Variants in SLC25A3 observed in about 807,000 individuals in gnomAD.
SLC25A3 encodes phosphate transport protein.
In SLC25A3, 14 loss-of-function variants were observed where a neutral mutation model predicts 37.1. That is an observed-to-expected ratio of 0.38 (90% confidence interval 0.25 to 0.59). The LOEUF is 0.59. Ranked by LOEUF, SLC25A3 falls within the 20% of genes least tolerant of loss-of-function variation. The pLI, the probability that SLC25A3 is intolerant of heterozygous loss-of-function variation, is 0.67. For synonymous variants in SLC25A3, 161 were observed against 168.7 expected, an observed-to-expected ratio of 0.95 and a Z score of 0.36; for missense variants, 385 against 458.1, an observed-to-expected ratio of 0.84 and a Z score of 1.46.
intron 2 of SLC25A3, chr12:98,594,931 G>A (rs923209892): frequency 5.5e-6 from 1 of 181,948 alleles, no homozygotes; most frequent in South Asian, 1.0e-4. Flanking sequence ...ACTATCTGTC[G>A]TTCAGTTTAA....
At chr12:98,598,943 T>G (rs1231408657) in intron 5 of SLC25A3, among the ~76,000 whole-genome samples, 1 of 151,870 alleles carries the variant, frequency 6.6e-6, no homozygotes, top group African/African-American at 2.4e-5. Flanking sequence ...GCCCAGCTAA[T>G]TTTTTGTATT....
intron 3 of SLC25A3, among the ~76,000 whole-genome samples, chr12:98,596,380 A>G (rs2097592954): frequency 6.6e-6 from 1 of 152,320 alleles, no homozygotes; most frequent in Admixed American, 6.5e-5. Flanking sequence ...TCGAAAATTT[A>G]TTTGTTCCAA....
At position 98,602,364 on chromosome 12, in the gene SLC25A3, G is replaced by A. The variant is rs921804660; in HGVS notation, c.*836G>A. The A allele has an allele frequency of 6.6e-5, 10 of 152,226 alleles. No individual in the cohort carries two copies. The highest frequency in any genetic ancestry group is 2.4e-4 in the African/African-American group (10 of 41,440). 9.4% of individuals were successfully genotyped at this position (152,226 alleles called of 1,614,324 possible). ...TTTTTAGTAGAGACGGGGTTTCCCT[G>A]TGTTGGTCAGGCTGGTCTCGAACTT... On this transcript the variant is annotated 3_prime_UTR_variant, in exon 8 of 8. Coordinates refer to ENST00000552981, the MANE Select transcript of SLC25A3 (RefSeq NM_002635.4).
chr12:98,595,289 A>T, intron 2 of SLC25A3: 1 of 791,294 alleles, frequency 1.3e-6, no homozygotes, highest in South Asian at 1.6e-5. Flanking sequence ...TTGGCAGTGA[A>T]TTTTTTTTTA....
chr12:98,600,033 T>C lies in SLC25A3; in HGVS notation c.720T>C (p.Thr240=), dbSNP rs2097596449. ...TMMKFACFER[T]VEALYKFVVP... is the part of the protein sequence containing the mutation. ...TGAAGTTCGCCTGCTTTGAACGTAC[T>C]GTTGAAGCACTGTACAAGTTTGTGG... Residue 240 remains threonine, a synonymous_variant, in exon 6 of 8, where the codon ACT becomes ACC. Coordinates refer to ENST00000552981, the MANE Select transcript of SLC25A3 (RefSeq NM_002635.4). The C allele has an allele frequency of 6.2e-7, 1 of 1,613,898 alleles. No homozygotes were observed. The highest frequency in any genetic ancestry group is 1.7e-5 in the Admixed American group (1 of 60,026).
Position 98,601,587 on chromosome 12 carries a change from A to G in SLC25A3, c.*59A>G, listed in dbSNP as rs2097597963. On this transcript the variant is annotated 3_prime_UTR_variant, in exon 8 of 8. Coordinates refer to ENST00000552981, the MANE Select transcript of SLC25A3 (RefSeq NM_002635.4). The stretch of plus-strand genomic sequence containing the variant: ...GTTGATCAGTGTTGAAGAAAGTGCA[A>G]AAGGAACTTTTATATATTTGACAGT... 6.2e-6 allele frequency: 7 copies of G among 1,132,404 alleles called. No individual in the cohort carries two copies. The highest frequency in any genetic ancestry group is 2.3e-5 in the East Asian group (1 of 42,628). The allele number at this position is 1,132,404 out of a possible 1,614,324, so 70.1% of individuals were successfully genotyped here.
At chr12:98,593,793 G>C in intron 1 of SLC25A3, 53 bp downstream of exon 1, 1 of 648,682 alleles carries the variant, frequency 1.5e-6, no homozygotes, top group African/African-American at 1.8e-5. Context: ...GGAGCCCAGA[G>C]CTCCTGTGGG....
At chr12:98,600,214 C>G (rs994484546) in intron 6 of SLC25A3, 87 bp downstream of exon 6, 2 of 951,106 alleles carry the variant, frequency 2.1e-6, no homozygotes, top group Non-Finnish European at 1.7e-6. Flanking sequence ...GAAAAATACT[C>G]CAAAGGTTAT....
At chr12:98,597,691 T>C in intron 3 of SLC25A3, 165 bp from the exon 4 acceptor site, 1 of 928,476 alleles carries the variant, frequency 1.1e-6, no homozygotes, top group East Asian at 2.8e-5. Flanking sequence ...CCCAAAGTGC[T>C]GGGATTACAG....
At chr12:98,599,650 A>T (rs372762579) in intron 5 of SLC25A3, 15 of 571,960 alleles carry the variant, frequency 2.6e-5, no homozygotes, top group Non-Finnish European at 4.7e-5. Flanking sequence ...GCTTCCTTAG[A>T]TCCACCTTTG....
rs1302964992 is a variant in SLC25A3, at chr12:98,604,263, A to AAAAAAAAATATATAT, written c.*2736_*2737insAAAAAAATATATATA. On this transcript the variant is annotated 3_prime_UTR_variant, in exon 8 of 8. Transcript: ENST00000552981. ...GCGAAACTCTGTCTCAAAAAAAAAA[A>AAAAAAAAATATATAT]ATATATATATATATATATATATATG... 6.2e-4 allele frequency: 83 copies of AAAAAAAAATATATAT among 134,552 alleles called. No individual in the cohort carries two copies. Among genetic ancestry groups the AAAAAAAAATATATAT allele is most frequent in the African/African-American group, 2.2e-3 (76 of 34,866 alleles). The allele number at this position is 134,552 out of a possible 1,614,324, so 8.3% of individuals were successfully genotyped here.
chr12:98,597,976 C>A lies in SLC25A3; in HGVS notation c.400C>A (p.Leu134Ile), dbSNP rs975251517. 13 of 1,613,766 alleles carry A rather than the reference C, an allele frequency of 8.1e-6. No homozygotes were observed. Among genetic ancestry groups the A allele is most frequent in the Non-Finnish European group, 1.0e-5 (12 of 1,179,788 alleles). ...PTFLGYSMQG[L>I]CKFGFYEVFK... ...TTTCCTTGGCTACTCCATGCAGGGA[C>A]TCTGCAAGTTTGGCTTTTATGAAGT... The change falls in exon 4 of 8, where the codon CTC becomes ATC. Residue 134 changes from leucine to isoleucine, a missense_variant. Transcript: ENST00000552981.
chr12:98,595,555 C>G, intron 2 of SLC25A3, 172 bp from the exon 3 acceptor site: 2 of 1,614,090 alleles, frequency 1.2e-6, no homozygotes, highest in South Asian at 2.2e-5. Flanking sequence ...ATGCAGAATG[C>G]AGGTTTGTTT....
At chr12:98,599,841 C>A in intron 5 of SLC25A3, 114 bp from the exon 6 acceptor site, 1 of 1,052,552 alleles carries the variant, frequency 9.5e-7, no homozygotes, top group Non-Finnish European at 1.5e-6. Context: ...TGCATTTATG[C>A]TGCCATTTGT....
chr12:98,599,689 G>A (rs972782374), intron 5 of SLC25A3: 2 of 627,264 alleles, frequency 3.2e-6, no homozygotes, highest in African/African-American at 1.8e-5. Flanking sequence ...AGTTCCACTT[G>A]TAAACTTCTT....
intron 3 of SLC25A3, among the ~76,000 whole-genome samples, chr12:98,596,293 C>G (rs2097592904): frequency 6.6e-6 from 1 of 152,106 alleles, no homozygotes; most frequent in African/African-American, 2.4e-5. Context: ...GTCAGATTAG[C>G]CTCTTGTTTA....
rs2097600190 is a variant in SLC25A3, at chr12:98,604,519, AAC to A, written c.*2993_*2994del. On this transcript the variant is annotated 3_prime_UTR_variant, in exon 8 of 8. Transcript: ENST00000552981. The stretch of plus-strand genomic sequence containing the variant: ...GACTTTTTTTTTTTTTTCCCTAGAG[AAC>A]AGGGTTCTTGCTTTGTCGCCCAGGC... 1 of 151,140 alleles carries A rather than the reference AAC, an allele frequency of 6.6e-6. No individual in the cohort carries two copies. The highest frequency in any genetic ancestry group is 1.5e-5 in the Non-Finnish European group (1 of 67,840). 9.4% of individuals were successfully genotyped at this position (151,140 alleles called of 1,614,324 possible).
Position 98,604,732 on chromosome 12 carries a change from G to A in SLC25A3, c.*3204G>A, listed in dbSNP as rs1261034694. On this transcript the variant is annotated 3_prime_UTR_variant, in exon 8 of 8. Transcript: ENST00000552981. ...CCTGCCCCAGCTCCTAAAGCGGCCA[G>A]GGTTACAGGTAGCCGCCTTGTCTGT... is the stretch of plus-strand genomic sequence containing the variant. 5 of 152,212 alleles carry A rather than the reference G, an allele frequency of 3.3e-5. No individual in the cohort carries two copies. Among genetic ancestry groups the A allele is most frequent in the African/African-American group, 1.2e-4 (5 of 41,414 alleles). 9.4% of individuals were successfully genotyped at this position (152,212 alleles called of 1,614,324 possible).
Position 98,601,568 on chromosome 12 carries a change from C to A in SLC25A3, c.*40C>A. The A allele has an allele frequency of 1.5e-6, 2 of 1,354,228 alleles. No individual in the cohort carries two copies. Among genetic ancestry groups the A allele is most frequent in the Non-Finnish European group, 2.1e-6 (2 of 943,272 alleles). The allele number at this position is 1,354,228 out of a possible 1,614,324, so 83.9% of individuals were successfully genotyped here. ...ATGTGGACTGAATCTGCTTGTTGATCAGTGTTGAAGAAAGTGCAAAAGGAA... is the reference window on the plus strand; with the variant it reads ...ATGTGGACTGAATCTGCTTGTTGATAAGTGTTGAAGAAAGTGCAAAAGGAA... On this transcript the variant is annotated 3_prime_UTR_variant, in exon 8 of 8. Transcript: ENST00000552981.
Sources: allele counts gnomAD v4.1 joint callset (sites outside exome capture counted in the v4.1 genomes callset), GRCh38; gene constraint gnomAD v4.1.1; transcripts MANE v1.5; gene names NCBI Gene and HGNC (gene_info 2026-07-23, HGNC 2026-07-21).